ZNF469: variants seen among roughly 807,000 people sequenced by gnomAD.
The protein encoded by ZNF469 is zinc finger protein 469.
ZNF469 carries 1 observed loss-of-function variant against 1.0 expected under a neutral mutation model. The observed-to-expected ratio is 1.00, with a 90% CI of 0.35 to 4.73. The LOEUF (loss-of-function observed/expected upper bound fraction) is 4.73. Among genes scored for constraint, ZNF469 ranks in the 30% most tolerant of loss-of-function variants. The pLI, the probability that ZNF469 is intolerant of heterozygous loss-of-function variation, is 0.16. For missense variants in ZNF469, 6,100 were observed against 5,356.3 expected (o/e 1.14, Z -4.33); for synonymous variants, 2,703 against 2,363.4 (o/e 1.14, Z -4.17).
At chr16:88,198,677 G>A in the ZNF469 span, among the ~76,000 whole-genome samples, 2 of 152,202 alleles carry the variant, frequency 1.3e-5, no homozygotes, top group Non-Finnish European at 2.9e-5. Context: ...TGATGGATGG[G>A]TGGCGAGCAG....
At chr16:88,366,832 CCAT>C in the ZNF469 span, among the ~76,000 whole-genome samples, 7 of 151,774 alleles carry the variant, frequency 4.6e-5, no homozygotes, top group Admixed American at 2.6e-4. Flanking sequence ...ATCNCCATAA[CCAT>C]CATCATTACC....
chr16:88,208,960 C>G, the ZNF469 span, among the ~76,000 whole-genome samples: 1 of 151,970 alleles, frequency 6.6e-6, no homozygotes, highest in South Asian at 2.1e-4. Flanking sequence ...TTTGCTCAGT[C>G]CTAGAATAAA....
At chr16:88,386,862 G>A (rs1904343441) in intron 1 of ZNF469, among the ~76,000 whole-genome samples, 1 of 150,294 alleles carries the variant, frequency 6.7e-6, no homozygotes, top group Non-Finnish European at 1.5e-5. Context: ...GCCTTGAGGT[G>A]GCTCAGGGCC....
chr16:88,198,730 GGCTTTGTTTC>G, the ZNF469 span, among the ~76,000 whole-genome samples: 1 of 152,194 alleles, frequency 6.6e-6, no homozygotes, highest in Non-Finnish European at 1.5e-5. Context: ...GTGAAACCTG[GGCTTTGTTTC>G]GTGGTGGTTC....
At chr16:88,363,760 C>A in the ZNF469 span, among the ~76,000 whole-genome samples, 2 of 152,224 alleles carry the variant, frequency 1.3e-5, no homozygotes, top group Admixed American at 1.3e-4. Flanking sequence ...CACAAATACT[C>A]ATCCTTTTTT....
At chr16:88,135,960 T>C in the ZNF469 span, among the ~76,000 whole-genome samples, 15 of 151,778 alleles carry the variant, frequency 9.9e-5, no homozygotes, top group Non-Finnish European at 7.4e-5. Context: ...GGGGTTTCAC[T>C]GTGTTAGCCA....
the ZNF469 span, among the ~76,000 whole-genome samples, chr16:88,337,214 T>C: frequency 2.0e-5 from 3 of 152,150 alleles, no homozygotes; most frequent in Admixed American, 6.5e-5. Context: ...CATTCCCGCA[T>C]GTGGCAGGAA....
chr16:88,311,754 G>C, the ZNF469 span, among the ~76,000 whole-genome samples: 1 of 152,190 alleles, frequency 6.6e-6, no homozygotes, highest in East Asian at 1.9e-4. Flanking sequence ...CCAGGTTTTT[G>C]TGTCTTAAAC....
the ZNF469 span, among the ~76,000 whole-genome samples, chr16:88,125,458 G>A: frequency 6.6e-6 from 1 of 152,178 alleles, no homozygotes; most frequent in Non-Finnish European, 1.5e-5. Flanking sequence ...TCAGCATGTC[G>A]GTTTCTACAA....
chr16:88,158,708 C>G, the ZNF469 span, among the ~76,000 whole-genome samples: 1 of 152,242 alleles, frequency 6.6e-6, no homozygotes, highest in Non-Finnish European at 1.5e-5. Flanking sequence ...CTCTGCTACT[C>G]TCTTCTAAAG....
the ZNF469 span, among the ~76,000 whole-genome samples, chr16:88,351,781 C>T: frequency 8.5e-5 from 13 of 152,142 alleles, no homozygotes; most frequent in Non-Finnish European, 1.3e-4. Flanking sequence ...GGTTTGAGGC[C>T]GGGCCACGCT....
chr16:88,433,681 A>G lies in ZNF469; in HGVS notation c.6211A>G (p.Thr2071Ala). ...PNRESLALAL[T>A]AAHSRSGSEG... The stretch of plus-strand genomic sequence containing the variant: ...TAGGGAGTCCCTGGCGCTGGCCTTG[A>G]CAGCAGCCCACAGCCGAAGTGGATC... Residue 2071 changes from threonine (T) to alanine (A), a missense_variant, in exon 3 of 3, where the codon ACA becomes GCA. Physicochemically the swap from Thr to Ala is moderately conservative, Grantham distance 58. Coordinates refer to ENST00000565624, the MANE Select transcript of ZNF469 (RefSeq NM_001367624.2). The G allele has an allele frequency of 6.5e-7, 1 of 1,549,580 alleles. No individual in the cohort carries two copies. The highest frequency in any genetic ancestry group is 8.7e-7 in the Non-Finnish European group (1 of 1,146,656).
chr16:88,398,529 TGAG>T (rs1318852703), intron 1 of ZNF469, among the ~76,000 whole-genome samples: 3 of 137,914 alleles, frequency 2.2e-5, no homozygotes, highest in African/African-American at 8.7e-5. Flanking sequence ...GAGCCACAGA[TGAG>T]GGGTGTGTGA....
the ZNF469 span, among the ~76,000 whole-genome samples, chr16:88,266,770 G>T: frequency 6.6e-6 from 1 of 152,220 alleles, no homozygotes; most frequent in Non-Finnish European, 1.5e-5. Flanking sequence ...GGATAAAACT[G>T]GTCCCAGGTG....
the ZNF469 span, among the ~76,000 whole-genome samples, chr16:88,362,506 G>T: frequency 6.6e-6 from 1 of 152,162 alleles, no homozygotes; most frequent in African/African-American, 2.4e-5. Flanking sequence ...CTTGAAGGGT[G>T]TTTTTCCTGG....
chr16:88,121,556 C>T, the ZNF469 span, among the ~76,000 whole-genome samples: 1 of 152,228 alleles, frequency 6.6e-6, no homozygotes, highest in African/African-American at 2.4e-5. Context: ...CACGTCACAA[C>T]CCCGGCTCAC....
At chr16:88,276,979 C>T in the ZNF469 span, among the ~76,000 whole-genome samples, 43,427 of 150,420 alleles carry the variant, frequency 0.29, 6,823 homozygotes, top group South Asian at 0.4. Flanking sequence ...CGCCAACACT[C>T]GGTCAGTACC....
the ZNF469 span, among the ~76,000 whole-genome samples, chr16:88,182,608 T>C: frequency 6.6e-6 from 1 of 152,068 alleles, no homozygotes; most frequent in Non-Finnish European, 1.5e-5. Flanking sequence ...ATAGATCTTT[T>C]TCAACAAAGT....
Position 88,434,752 on chromosome 16 carries a change from A to G in ZNF469, c.7282A>G (p.Asn2428Asp). Reference protein sequence around the residue: ...FQSDSPQSHRNASHQTPQGDP... With the variant: ...FQSDSPQSHRDASHQTPQGDP... The stretch of plus-strand genomic sequence containing the variant: ...GTCTGACTCCCCCCAAAGCCACAGA[A>G]ATGCCTCCCACCAGACTCCCCAGGG... The change falls in exon 3 of 3, where the codon AAT becomes GAT. Residue 2428 changes from asparagine (N) to aspartate (D), a missense_variant. Coordinates refer to ENST00000565624, the MANE Select transcript of ZNF469 (RefSeq NM_001367624.2). The G allele has an allele frequency of 6.5e-7, 1 of 1,550,268 alleles. No individual in the cohort carries two copies. The highest frequency in any genetic ancestry group is 8.7e-7 in the Non-Finnish European group (1 of 1,146,940).
Sources: allele counts gnomAD v4.1 joint callset (sites outside exome capture counted in the v4.1 genomes callset), GRCh38; gene constraint gnomAD v4.1.1; transcripts MANE v1.5; gene names NCBI Gene and HGNC (gene_info 2026-07-23, HGNC 2026-07-21).